The following POLR3A variants were observed in gnomAD, a reference collection of about 807,000 sequenced individuals.
The protein encoded by POLR3A is DNA-directed RNA polymerase III subunit RPC1.
In POLR3A, 112 loss-of-function variants were observed where a neutral mutation model predicts 152.8. The observed-to-expected ratio is 0.73, with a 90% CI of 0.63 to 0.86. The LOEUF is 0.86. POLR3A is among the 40% of genes least tolerant of loss of function. The pLI is 0.00. For synonymous variants in POLR3A, 615 were observed against 652.1 expected (o/e 0.94, Z 0.87); for missense variants, 1,385 against 1,743.1 (o/e 0.79, Z 3.66).
At chr10:78,003,115 CCA>C (rs1474837674) in intron 16 of POLR3A, among the ~76,000 whole-genome samples, 1 of 152,192 alleles carries the variant, frequency 6.6e-6, no homozygotes, top group Non-Finnish European at 1.5e-5. Context: ...ATGAGCTCAT[CCA>C]CAGTTACTCC....
At chr10:78,024,029 G>C (rs1328863844) in intron 5 of POLR3A, among the ~76,000 whole-genome samples, 2 of 108,006 alleles carry the variant, frequency 1.9e-5, no homozygotes, top group Non-Finnish European at 4.7e-5. Context: ...GTCCACATTA[G>C]CCTTAGTGCC....
At chr10:78,026,286 A>G in intron 1 of POLR3A, 57 bp from the exon 2 acceptor site, 4 of 1,591,838 alleles carry the variant, frequency 2.5e-6, no homozygotes, top group South Asian at 1.1e-5. Context: ...AAAAATGTCT[A>G]TTACATACAT....
chr10:77,996,891 A>C (rs1037510268), intron 19 of POLR3A, among the ~76,000 whole-genome samples: 61 of 152,332 alleles, frequency 4.0e-4, no homozygotes, highest in Non-Finnish European at 7.6e-4. Flanking sequence ...ATCCTTGATG[A>C]ACATCGATGC....
intron 24 of POLR3A, among the ~76,000 whole-genome samples, chr10:77,984,817 A>G (rs1261506946): frequency 6.6e-6 from 1 of 152,258 alleles, no homozygotes; most frequent in Non-Finnish European, 1.5e-5. Flanking sequence ...ACCACAGGGC[A>G]AGTGGCAGAC....
At chr10:78,001,355 G>C (rs1847355484) in intron 17 of POLR3A, among the ~76,000 whole-genome samples, 1 of 152,142 alleles carries the variant, frequency 6.6e-6, no homozygotes, top group Non-Finnish European at 1.5e-5. Flanking sequence ...CTTCAAGGAG[G>C]CTTCAGCAAG....
rs1224618486 is a variant in POLR3A at position 78,025,094 on chromosome 10, T to G, written c.367A>C (p.Lys123Gln). The change falls in exon 4 of 31, where the codon AAG becomes CAG. Residue 123 changes from lysine (K) to glutamine (Q), a missense_variant. Lys to Gln is a moderately conservative substitution (Grantham distance 53). Coordinates refer to ENST00000372371, the MANE Select transcript of POLR3A (RefSeq NM_007055.4). ...CTCTTTAGATAGTCCAGAAACTGCT[T>G]CTTCTCCTCTTGGGACAGCATGATG... ...CHIMLSQEEK[K>Q]QFLDYLKRPG... 5.0e-6 allele frequency: 8 copies of G among 1,614,088 alleles called. No homozygotes were observed. Among genetic ancestry groups the G allele is most frequent in the South Asian group, 2.2e-5 (2 of 91,090 alleles).
intron 10 of POLR3A, among the ~76,000 whole-genome samples, chr10:78,014,870 G>C (rs1329584855): frequency 1.3e-5 from 2 of 152,078 alleles, no homozygotes; most frequent in African/African-American, 4.8e-5. Flanking sequence ...TTAACAAGCG[G>C]GTATTTTCCA....
intron 8 of POLR3A, among the ~76,000 whole-genome samples, chr10:78,020,393 G>A (rs919498677): frequency 6.6e-6 from 1 of 151,934 alleles, no homozygotes; most frequent in Non-Finnish European, 1.5e-5. Context: ...GGGAGGCTGA[G>A]GCATAAGAAT....
chr10:78,017,006 T>C (rs1031633407), intron 10 of POLR3A, among the ~76,000 whole-genome samples: 2 of 152,166 alleles, frequency 1.3e-5, no homozygotes, highest in Non-Finnish European at 2.9e-5. Flanking sequence ...TAGTGTTTTG[T>C]ATGAATATTA....
chr10:77,980,219 G>A lies in POLR3A; in HGVS notation c.3946C>T (p.Leu1316=), dbSNP rs901741607. Residue 1316 remains leucine, a synonymous_variant, in exon 30 of 31, where the codon CTG becomes TTG. Transcript: ENST00000372371. ...FGLAKMKESV[L]MLASFEKTAD... Reference sequence around the variant, plus strand: ...GTCTTCTCAAAGGAGGCCAGCATCAGCACACTCTCCTTCATCTTGGCCAGG... The same window carrying A: ...GTCTTCTCAAAGGAGGCCAGCATCAACACACTCTCCTTCATCTTGGCCAGG... 6.8e-6 allele frequency: 11 copies of A among 1,613,490 alleles called. No individual in the cohort carries two copies. The highest frequency in any genetic ancestry group is 9.3e-6 in the Non-Finnish European group (11 of 1,179,458).
chr10:78,000,261 T>G (rs921742659), intron 18 of POLR3A, 143 bp from the exon 19 acceptor site: 14 of 760,726 alleles, frequency 1.8e-5, no homozygotes, highest in Non-Finnish European at 3.2e-5. Flanking sequence ...AGGCTTTCTT[T>G]GCCCTTTCCT....
In POLR3A at chr10:78,022,265, A is replaced by G; in HGVS notation, c.765T>C (p.Leu255=). 1 of 1,614,258 alleles carries G rather than the reference A, an allele frequency of 6.2e-7. No homozygotes were observed. The highest frequency in any genetic ancestry group is 1.3e-5 in the African/African-American group (1 of 75,076). The stretch of plus-strand genomic sequence containing the variant: ...GTCTGATACACAAAGGAGGCACCAA[A>G]AGTCGTGTGAGAATCAAATCAGACG... The part of the protein sequence containing the change: ...GKPSDLILTR[L]LVPPLCIRPS... Residue 255 remains leucine, a synonymous_variant, in exon 6 of 31, where the codon CTT becomes CTC. Transcript: ENST00000372371.
intron 8 of POLR3A, among the ~76,000 whole-genome samples, chr10:78,020,511 G>A (rs1042242834): frequency 4.6e-5 from 7 of 150,876 alleles, no homozygotes; most frequent in South Asian, 4.2e-4. Flanking sequence ...AAACCAGGCC[G>A]GATGCGGTGG....
In POLR3A at chr10:78,019,251, G is replaced by A; in HGVS notation, c.1200C>T (p.Asn400=). ...LTFPEKVNKA[N]INFLRKLVQN... ...GAACCAGTTTCCTCAAGAAATTGAT[G>A]TTTGCTTTGTTTACCTGCAGTACAA... is the stretch of plus-strand genomic sequence containing the variant. Residue 400 remains asparagine (N), a synonymous_variant, in exon 9 of 31, where the codon AAC becomes AAT. Transcript: ENST00000372371. 6.2e-7 allele frequency: 1 copy of A among 1,613,296 alleles called. No individual in the cohort carries two copies. The highest frequency in any genetic ancestry group is 1.1e-5 in the South Asian group (1 of 91,068).
At position 78,004,735 on chromosome 10, in the gene POLR3A, G is replaced by C; in HGVS notation, c.2228C>G (p.Thr743Ser). Residue 743 changes from threonine (T) to serine (S), a missense_variant, in exon 16 of 31, where the codon ACT becomes AGT. By Grantham distance (58) the Thr-to-Ser change is moderately conservative. Coordinates refer to ENST00000372371, the MANE Select transcript of POLR3A (RefSeq NM_007055.4). ...TGKLQQQPGCTAEETLEALIL... is the reference protein window; with the variant it reads ...TGKLQQQPGCSAEETLEALIL... The stretch of plus-strand genomic sequence containing the variant: ...GCTCACCTCCAGGGTCTCCTCAGCA[G>C]TGCAGCCAGGCTGCTGCTGCAGCTT... 6.2e-7 allele frequency: 1 copy of C among 1,613,570 alleles called. No homozygotes were observed. Among genetic ancestry groups the C allele is most frequent in the Non-Finnish European group, 8.5e-7 (1 of 1,179,848 alleles).
intron 13 of POLR3A, 79 bp downstream of exon 13, chr10:78,009,785 C>T (rs573785758): frequency 2.4e-5 from 38 of 1,607,666 alleles, no homozygotes; most frequent in South Asian, 1.2e-4. Flanking sequence ...AGCACCAACA[C>T]GGTTCCACTC....
At chr10:78,019,734 A>C (rs1374193230) in intron 8 of POLR3A, 1 of 195,858 alleles carries the variant, frequency 5.1e-6, no homozygotes, top group Non-Finnish European at 1.1e-5. Flanking sequence ...TAACTCTTGG[A>C]TCATTAGTAA....
At position 78,025,064 on chromosome 10, in the gene POLR3A, C is replaced by T. The variant is rs149184216; in HGVS notation, c.397G>A (p.Gly133Ser). 5.7e-5 allele frequency: 92 copies of T among 1,614,138 alleles called. No homozygotes were observed. The African/African-American group carries it at 6.9e-4, about 12-fold the overall frequency. ...CCTCGCTTCTGAAGGTAGGTCAGGC[C>T]GGGCCTCTTTAGATAGTCCAGAAAC... ...KQFLDYLKRP[G>S]LTYLQKRGLK... Residue 133 changes from glycine to serine, a missense_variant, in exon 4 of 31, where the codon GGC becomes AGC. Around this residue, in one of 7 missense-constraint regions of POLR3A, gnomAD observed 493 missense variants for 647.5 expected, o/e 0.76. Transcript: ENST00000372371.
intron 1 of POLR3A, among the ~76,000 whole-genome samples, chr10:78,028,093 C>T (rs528058073): frequency 2.6e-5 from 4 of 152,162 alleles, no homozygotes; most frequent in South Asian, 4.1e-4. Context: ...TCTGTATATC[C>T]GTCTCAAGGT....
Sources: gnomAD v4.1 joint callset for allele counts (sites outside exome capture counted in the v4.1 genomes callset) on GRCh38, gnomAD v4.1.1 for gene constraint, gnomAD v4.1.1 regional missense constraint, MANE v1.5 for transcripts, NCBI Gene and HGNC (gene_info 2026-07-23, HGNC 2026-07-21) for gene names.